Variants in PDE1C observed in about 807,000 individuals in gnomAD.
The protein encoded by PDE1C is phosphodiesterase 1C, also known as dual specificity calcium/calmodulin-dependent 3',5'-cyclic nucleotide phosphodiesterase 1C.
In PDE1C, 62 loss-of-function variants were observed where a neutral mutation model predicts 93.1. The observed-to-expected ratio is 0.67, with a 90% confidence interval of 0.54 to 0.82. The LOEUF (loss-of-function observed/expected upper bound fraction) is 0.82, where lower values mean the gene tolerates loss of function less well. Among genes scored for constraint, PDE1C ranks in the 40% least tolerant of loss-of-function variants. PDE1C has a pLI of 0.00. For missense variants in PDE1C, 742 were observed against 884.6 expected, an observed-to-expected ratio of 0.84 and a Z score of 2.04; for synonymous variants, 325 against 310.1, an observed-to-expected ratio of 1.05 and a Z score of -0.50.
intron 3 of PDE1C, among the ~76,000 whole-genome samples, chr7:32,109,164 A>G (rs1173541612): frequency 6.6e-6 from 1 of 152,174 alleles, no homozygotes; most frequent in East Asian, 1.9e-4. Context: ...ACTCATATTT[A>G]TGACAAGGGA....
intron 3 of PDE1C, among the ~76,000 whole-genome samples, chr7:32,117,579 C>T (rs1165172074): frequency 6.6e-6 from 1 of 152,160 alleles, no homozygotes. Context: ...GGTCAGTTTA[C>T]CACAAATGTG....
intron 2 of PDE1C, among the ~76,000 whole-genome samples, chr7:31,999,801 G>A (rs1452411209): frequency 6.6e-6 from 1 of 152,094 alleles, no homozygotes; most frequent in Non-Finnish European, 1.5e-5. Context: ...CTCACACACA[G>A]AGCAGTCATG....
the PDE1C span, among the ~76,000 whole-genome samples, chr7:31,680,042 T>C: frequency 3.6e-4 from 55 of 152,342 alleles, no homozygotes; most frequent in Admixed American, 1.3e-4. Flanking sequence ...CGGATGCACC[T>C]TAATAACCAG....
chr7:31,999,809 A>T (rs1025356170), intron 2 of PDE1C, among the ~76,000 whole-genome samples: 2 of 152,202 alleles, frequency 1.3e-5, no homozygotes, highest in African/African-American at 4.8e-5. Context: ...CAGAGCAGTC[A>T]TGAGAGAGAT....
In PDE1C at chr7:31,837,965, A is replaced by C. The variant is rs778921429; in HGVS notation, c.987T>G (p.Phe329Leu). The change falls in exon 10 of 18, where the codon TTT becomes TTG. Residue 329 changes from phenylalanine (F) to leucine (L), a missense_variant. By Grantham distance (22) the Phe-to-Leu change is conservative. Around this residue, in one of 4 missense-constraint regions of PDE1C, gnomAD observed 205 missense variants for 295.3 expected, o/e 0.69. Transcript: ENST00000396191. ...TCACCATTTCAATTACCAAGGTTCG[A>C]AACTCCCTTTTAGAGACAACCATGG... ...INLSKDDWREFRTLVIEMVMA... is the reference protein window; with the variant it reads ...INLSKDDWRELRTLVIEMVMA... The C allele has an allele frequency of 2.5e-6, 4 of 1,607,796 alleles. No individual in the cohort carries two copies. Among genetic ancestry groups the C allele is most frequent in the Admixed American group, 1.7e-5 (1 of 59,988 alleles).
chr7:31,775,073 C>G (rs1795738681), intron 17 of PDE1C, among the ~76,000 whole-genome samples: 1 of 152,160 alleles, frequency 6.6e-6, no homozygotes, highest in African/African-American at 2.4e-5. Context: ...AATAATTATA[C>G]TTGATCCTCA....
At chr7:32,406,993 A>C (rs2128096915) in intron 1 of PDE1C, among the ~76,000 whole-genome samples, 1 of 152,256 alleles carries the variant, frequency 6.6e-6, no homozygotes, top group Middle Eastern at 3.4e-3. Context: ...AAACAAAAAC[A>C]GGCCGGGCGC....
intron 2 of PDE1C, among the ~76,000 whole-genome samples, chr7:32,208,499 C>T (rs1323062679): frequency 7.1e-6 from 1 of 141,522 alleles, no homozygotes; most frequent in Non-Finnish European, 1.6e-5. Context: ...TTTAGGAAGG[C>T]AAAAAAAAAA....
chr7:31,642,086 T>C, the PDE1C span: 1 of 757,216 alleles, frequency 1.3e-6, no homozygotes. Flanking sequence ...GCAGGATCCA[T>C]GGTGTGTCAG....
At chr7:31,732,650 G>GTGTGTA in the PDE1C span, among the ~76,000 whole-genome samples, 1 of 24,558 alleles carries the variant, frequency 4.1e-5, no homozygotes, top group East Asian at 9.2e-4. Context: ...GTGTGTGTGT[G>GTGTGTA]TGTGTGTGTG....
intron 3 of PDE1C, among the ~76,000 whole-genome samples, chr7:32,164,603 T>C (rs1291575257): frequency 6.6e-6 from 1 of 152,218 alleles, no homozygotes. Flanking sequence ...TTTCCTGACC[T>C]GTACAACTGG....
chr7:31,641,218 G>A, the PDE1C span, among the ~76,000 whole-genome samples: 19 of 152,254 alleles, frequency 1.2e-4, no homozygotes, highest in South Asian at 4.2e-4. Flanking sequence ...TGAACTCTTC[G>A]TCAGCAGTTG....
At chr7:31,879,445 A>C (rs1796987035) in intron 3 of PDE1C, among the ~76,000 whole-genome samples, 1 of 152,218 alleles carries the variant, frequency 6.6e-6, no homozygotes, top group Non-Finnish European at 1.5e-5. Context: ...ACCCAGAAGC[A>C]CTCTGTGGCA....
At chr7:32,125,829 T>C (rs531486466) in intron 3 of PDE1C, among the ~76,000 whole-genome samples, 4 of 152,156 alleles carry the variant, frequency 2.6e-5, no homozygotes, top group Non-Finnish European at 5.9e-5. Context: ...ATATGTATCC[T>C]AGAACTTAAA....
chr7:31,668,073 G>T, the PDE1C span, among the ~76,000 whole-genome samples: 1 of 152,158 alleles, frequency 6.6e-6, no homozygotes, highest in African/African-American at 2.4e-5. Flanking sequence ...TCCCTGCTCA[G>T]TAAATCTACA....
At chr7:32,303,921 C>G (rs935885737), upstream of PDE1C, among the ~76,000 whole-genome samples, 1 of 152,106 alleles carries the variant, frequency 6.6e-6, no homozygotes, top group Non-Finnish European at 1.5e-5. Context: ...AAATTAAATT[C>G]TTGTTTTGCA....
At chr7:32,151,525 C>A (rs188804987) in intron 3 of PDE1C, among the ~76,000 whole-genome samples, 1 of 152,264 alleles carries the variant, frequency 6.6e-6, no homozygotes, top group African/African-American at 2.4e-5. Context: ...ATAAATAAAT[C>A]ATGGTATATC....
chr7:31,643,542 G>C, the PDE1C span: 1 of 1,614,036 alleles, frequency 6.2e-7, no homozygotes. Flanking sequence ...AGAGGGCTGT[G>C]GCCTTGGGGA....
At chr7:32,421,676 G>A (rs1398627497) in intron 1 of PDE1C, among the ~76,000 whole-genome samples, 1 of 152,136 alleles carries the variant, frequency 6.6e-6, no homozygotes, top group Non-Finnish European at 1.5e-5. Flanking sequence ...AAGTGATCTA[G>A]GATAAAGCAT....
Sources: gnomAD v4.1 joint callset for allele counts (sites outside exome capture counted in the v4.1 genomes callset) on GRCh38, gnomAD v4.1.1 for gene constraint, gnomAD v4.1.1 regional missense constraint, MANE v1.5 for transcripts, NCBI Gene and HGNC (gene_info 2026-07-23, HGNC 2026-07-21) for gene names.